PDGFRA: variants seen among roughly 807,000 people sequenced by gnomAD.
PDGFRA encodes platelet derived growth factor receptor alpha.
A neutral mutation model predicts 121.5 loss-of-function variants in PDGFRA; 25 were observed. The ratio of observed to expected loss-of-function variants is 0.21; its 90% CI spans 0.15 to 0.29. The LOEUF (loss-of-function observed/expected upper bound fraction) is 0.29, where lower values mean the gene tolerates loss of function less well. Among genes scored for constraint, PDGFRA ranks in the 10% least tolerant of loss-of-function variants. The pLI, the probability that PDGFRA is intolerant of heterozygous loss-of-function variation, is 1.00. For synonymous variants in PDGFRA, 463 were observed against 494.8 expected (o/e 0.94, Z 0.85); for missense variants, 1,008 against 1,345.1 (o/e 0.75, Z 3.92).
At chr4:54,292,363 T>G (rs1407857568) in intron 22 of PDGFRA, among the ~76,000 whole-genome samples, 1 of 152,220 alleles carries the variant, frequency 6.6e-6, no homozygotes, top group East Asian at 1.9e-4. Flanking sequence ...ATCATGTCCT[T>G]TGCAGGGACA....
chr4:54,235,094 C>A (rs1296832947), intron 1 of PDGFRA, among the ~76,000 whole-genome samples: 1 of 152,112 alleles, frequency 6.6e-6, no homozygotes, highest in Non-Finnish European at 1.5e-5. Context: ...TAGACCTGCA[C>A]TTGGTTTGCC....
In PDGFRA at chr4:54,286,068, A is replaced by G. The variant is rs960677463; in HGVS notation, c.2562+105A>G. 29 of 1,209,338 alleles carry G rather than the reference A, an allele frequency of 2.4e-5. No individual in the cohort carries two copies. In the East Asian group the frequency reaches 4.4e-4, roughly 18 times the overall value. The allele number at this position is 1,209,338 out of a possible 1,614,324, so 74.9% of individuals were successfully genotyped here. A position where few individuals can be genotyped will look rare whatever the true frequency, so the allele number is the denominator to read the frequency against. On this transcript the variant is annotated intron_variant, in intron 18 of 22. Coordinates refer to ENST00000257290, the MANE Select transcript of PDGFRA (RefSeq NM_006206.6). ...TCGGTGCCTGTTTTTTAAAACATCA[A>G]TAGATTTCAAGGGGTCAGTACACTG...
intron 16 of PDGFRA, chr4:54,281,978 A>G (rs573797401): frequency 2.8e-6 from 3 of 1,079,966 alleles, no homozygotes; most frequent in Non-Finnish European, 3.4e-6. Context: ...CACAGAAACT[A>G]CTTTTTCATG....
At chr4:54,253,789 A>T (rs762202180) in intron 1 of PDGFRA, among the ~76,000 whole-genome samples, 9 of 151,842 alleles carry the variant, frequency 5.9e-5, no homozygotes, top group Non-Finnish European at 1.3e-4. Flanking sequence ...GGTTCAAGTG[A>T]TTCTCATGCC....
At chr4:54,234,607 A>G (rs1274874498) in intron 1 of PDGFRA, among the ~76,000 whole-genome samples, 1 of 152,098 alleles carries the variant, frequency 6.6e-6, no homozygotes, top group Non-Finnish European at 1.5e-5. Flanking sequence ...CAACATTTTT[A>G]TTTCGTGGAA....
chr4:54,261,057 C>T (rs1369638987), intron 2 of PDGFRA, 38 bp from the exon 3 acceptor site: 1 of 1,585,458 alleles, frequency 6.3e-7, no homozygotes, highest in South Asian at 1.1e-5. Flanking sequence ...ACTGTCCTTT[C>T]TGACTGCATC....
Position 54,290,498 on chromosome 4 carries a change from G to A in PDGFRA, c.3066G>A (p.Leu1022=). The A allele has an allele frequency of 6.2e-7, 1 of 1,614,060 alleles. No homozygotes were observed. Among genetic ancestry groups the A allele is most frequent in the East Asian group, 2.2e-5 (1 of 44,878 alleles). ...CTGACAGTGGCTACATCATTCCTCT[G>A]CCTGACATTGACCCTGTCCCTGAGG... is the stretch of plus-strand genomic sequence containing the variant. ...LSADSGYIIP[L]PDIDPVPEEE... Residue 1022 remains leucine, a synonymous_variant, in exon 22 of 23, where the codon CTG becomes CTA. Coordinates refer to ENST00000257290, the MANE Select transcript of PDGFRA (RefSeq NM_006206.6).
rs200309940 is a variant in PDGFRA, at chr4:54,273,597, G to C, written c.1425G>C (p.Glu475Asp). 6.2e-7 allele frequency: 1 copy of C among 1,614,074 alleles called. No individual in the cohort carries two copies. Among genetic ancestry groups the C allele is most frequent in the East Asian group, 2.2e-5 (1 of 44,866 alleles). ...ACAATGTCTCAAACATCATCACGGA[G>C]ATCCACTCCCGAGACAGGAGTACCG... is the stretch of plus-strand genomic sequence containing the variant. ...LANNVSNIITEIHSRDRSTVE... is the reference protein window; with the variant it reads ...LANNVSNIITDIHSRDRSTVE... Residue 475 changes from glutamate to aspartate, a missense_variant, in exon 10 of 23, where the codon GAG becomes GAC. By Grantham distance (45) the Glu-to-Asp change is conservative. Coordinates refer to ENST00000257290, the MANE Select transcript of PDGFRA (RefSeq NM_006206.6).
intron 18 of PDGFRA, among the ~76,000 whole-genome samples, chr4:54,286,548 G>T (rs11931555): frequency 1.3e-4 from 19 of 151,676 alleles, no homozygotes; most frequent in South Asian, 6.2e-4. Context: ...GTAGAGACAG[G>T]GTTTCACCAT....
intron 16 of PDGFRA, chr4:54,281,792 A>G: frequency 7.6e-7 from 1 of 1,311,132 alleles, no homozygotes; most frequent in South Asian, 1.4e-5. Flanking sequence ...AAACCCTGGG[A>G]CCCTTCCAGA....
Position 54,247,946 on chromosome 4 carries a change from C to T in PDGFRA, c.-12-10811C>T, listed in dbSNP as rs1185488777. Among the ~76,000 whole-genome samples, 7 of 152,060 alleles carry T rather than the reference C, an allele frequency of 4.6e-5. No individual in the cohort carries two copies. In the South Asian group the frequency reaches 6.2e-4, roughly 14 times the overall value. ...ACCAATAACAGACAAACAGCCAAAT[C>T]GTGAGTGAACTCCCATTCACAATTG... On this transcript the variant is annotated intron_variant, in intron 1 of 22. Coordinates refer to ENST00000257290, the MANE Select transcript of PDGFRA (RefSeq NM_006206.6).
At chr4:54,263,976 T>A in intron 4 of PDGFRA, 49 bp downstream of exon 4, 1 of 1,558,732 alleles carries the variant, frequency 6.4e-7, no homozygotes. Context: ...ACAGGCAAAA[T>A]CATAAGGTGC....
Position 54,229,319 on chromosome 4 carries a change from AAC to A in PDGFRA, c.-107_-106del, listed in dbSNP as rs199818550. 2.6e-6 allele frequency: 1 copy of A among 387,118 alleles called. No individual in the cohort carries two copies. Among genetic ancestry groups the A allele is most frequent in the Non-Finnish European group, 4.5e-6 (1 of 222,944 alleles). 24.0% of individuals were successfully genotyped at this position (387,118 alleles called of 1,614,324 possible). On this transcript the variant is annotated 5_prime_UTR_variant, in exon 1 of 23. Transcript: ENST00000257290. ...TTACTGTTGGAGCTACAGGGAGAGA[AAC>A]AGAGGAGGAGACTGCAAGAGATCAT...
At position 54,273,746 on chromosome 4, in the gene PDGFRA, G is replaced by A. The variant is rs762085982; in HGVS notation, c.1558+16G>A. 4.4e-6 allele frequency: 7 copies of A among 1,607,466 alleles called. No homozygotes were observed. The highest frequency in any genetic ancestry group is 5.1e-6 in the Non-Finnish European group (6 of 1,176,348). ...GTGGCTCCCAGTGAGTTCCTCAACAGTCAGGACAACTCATCAGCTGAGCCG... is the reference window on the plus strand; with the variant it reads ...GTGGCTCCCAGTGAGTTCCTCAACAATCAGGACAACTCATCAGCTGAGCCG... On this transcript the variant is annotated intron_variant, in intron 10 of 22. Transcript: ENST00000257290.
intron 1 of PDGFRA, among the ~76,000 whole-genome samples, chr4:54,247,689 CCTATT>C (rs1356380709): frequency 2.0e-5 from 3 of 152,180 alleles, no homozygotes; most frequent in East Asian, 1.9e-4. Context: ...TCTCACCACT[CCTATT>C]CAACATAGTG....
At chr4:54,274,223 C>G (rs1334925205) in intron 10 of PDGFRA, among the ~76,000 whole-genome samples, 1 of 152,190 alleles carries the variant, frequency 6.6e-6, no homozygotes, top group African/African-American at 2.4e-5. Context: ...CATATAGTAG[C>G]TGTCAATTGC....
intron 1 of PDGFRA, among the ~76,000 whole-genome samples, chr4:54,250,290 T>A (rs182987926): frequency 1.8e-3 from 267 of 152,356 alleles, no homozygotes; most frequent in Middle Eastern, 3.4e-3. Flanking sequence ...TAATATCAAC[T>A]GTTTAAACCT....
At chr4:54,231,861 C>T (rs866799186) in intron 1 of PDGFRA, among the ~76,000 whole-genome samples, 10 of 152,346 alleles carry the variant, frequency 6.6e-5, no homozygotes, top group African/African-American at 1.9e-4. Context: ...CCCAGCTCTG[C>T]GCCCCTGGGC....
At chr4:54,236,946 G>C (rs1166052273) in intron 1 of PDGFRA, among the ~76,000 whole-genome samples, 2 of 152,064 alleles carry the variant, frequency 1.3e-5, no homozygotes, top group Non-Finnish European at 2.9e-5. Context: ...CTTCCTGATG[G>C]CTTGCTCAGA....
Sources: gnomAD v4.1 joint callset for allele counts (sites outside exome capture counted in the v4.1 genomes callset) on GRCh38, gnomAD v4.1.1 for gene constraint, MANE v1.5 for transcripts, NCBI Gene and HGNC (gene_info 2026-07-23, HGNC 2026-07-21) for gene names.